CSNK2A2IP: variants seen among roughly 807,000 people sequenced by gnomAD.
CSNK2A2IP encodes the protein casein kinase 2 subunit alpha' interacting protein.
the CSNK2A2IP span, among the ~76,000 whole-genome samples, chr3:88,339,399 A>G: frequency 6.6e-6 from 1 of 152,202 alleles, no homozygotes; most frequent in Non-Finnish European, 1.5e-5. Context: ...GCTGAATAAC[A>G]TTCCATTGTG....
chr3:88,398,759 A>T, the CSNK2A2IP span, among the ~76,000 whole-genome samples: 3 of 152,178 alleles, frequency 2.0e-5, no homozygotes, highest in Non-Finnish European at 4.4e-5. Flanking sequence ...TTTATCTTCA[A>T]CAGGAGCCTT....
At chr3:88,365,717 T>C in the CSNK2A2IP span, among the ~76,000 whole-genome samples, 1 of 152,142 alleles carries the variant, frequency 6.6e-6, no homozygotes, top group African/African-American at 2.4e-5. Context: ...AGAGAGGAAC[T>C]CCAATACCTT....
At chr3:88,352,035 A>G in the CSNK2A2IP span, among the ~76,000 whole-genome samples, 1 of 152,192 alleles carries the variant, frequency 6.6e-6, no homozygotes, top group Admixed American at 6.6e-5. Context: ...AATCTTGTTT[A>G]CCACAGTAGC....
chr3:88,383,848 T>G, the CSNK2A2IP span, among the ~76,000 whole-genome samples: 2 of 151,996 alleles, frequency 1.3e-5, no homozygotes, highest in African/African-American at 4.8e-5. Context: ...GTATTTTTAG[T>G]AGAGACAGGG....
At chr3:88,445,275 C>CAAAAAAAAAAAAAAAAAAAAAAAAAA in the CSNK2A2IP span, among the ~76,000 whole-genome samples, 9 of 47,764 alleles carry the variant, frequency 1.9e-4, 3 homozygotes, top group Admixed American at 3.9e-4. Flanking sequence ...GTAAAAATAC[C>CAAAAAAAAAAAAAAAAAAAAAAAAAA]AAAAAAAAAA....
the CSNK2A2IP span, among the ~76,000 whole-genome samples, chr3:88,456,693 C>T: frequency 1.3e-5 from 2 of 148,900 alleles, no homozygotes; most frequent in Non-Finnish European, 3.0e-5. Context: ...CCAATTCTTA[C>T]AGAACCATTT....
chr3:88,362,314 T>C, the CSNK2A2IP span, among the ~76,000 whole-genome samples: 38 of 152,310 alleles, frequency 2.5e-4, no homozygotes, highest in African/African-American at 6.3e-4. Flanking sequence ...AGCTTTTTCA[T>C]CACTAGGGAG....
At chr3:88,367,177 C>G in the CSNK2A2IP span, among the ~76,000 whole-genome samples, 1 of 152,052 alleles carries the variant, frequency 6.6e-6, no homozygotes, top group African/African-American at 2.4e-5. Context: ...TGTGCTTGAA[C>G]CTGCTCCCTC....
the CSNK2A2IP span, chr3:88,465,700 C>T: frequency 8.1e-7 from 1 of 1,231,634 alleles, no homozygotes; most frequent in Non-Finnish European, 1.0e-6. Flanking sequence ...GTGGCCTGCT[C>T]AAAGAGCCCT....
chr3:88,349,498 G>A, the CSNK2A2IP span, among the ~76,000 whole-genome samples: 2 of 152,000 alleles, frequency 1.3e-5, no homozygotes, highest in Non-Finnish European at 1.5e-5. Flanking sequence ...ATATTCTATG[G>A]TGTATATATA....
the CSNK2A2IP span, among the ~76,000 whole-genome samples, chr3:88,366,832 T>C: frequency 3.5e-4 from 53 of 152,268 alleles, no homozygotes; most frequent in Middle Eastern, 0.01. Flanking sequence ...AGAGGTTTAA[T>C]GAACTCACAG....
chr3:88,456,752 A>G, the CSNK2A2IP span, among the ~76,000 whole-genome samples: 3 of 152,034 alleles, frequency 2.0e-5, no homozygotes, highest in East Asian at 5.8e-4. Flanking sequence ...CTTTTGTCAA[A>G]AAATCTGCTG....
At chr3:88,396,143 C>T in the CSNK2A2IP span, among the ~76,000 whole-genome samples, 3 of 140,830 alleles carry the variant, frequency 2.1e-5, no homozygotes, top group Non-Finnish European at 3.0e-5. Context: ...GTCTCGCTGT[C>T]GCCCAGGCTG....
chr3:88,456,542 T>C, the CSNK2A2IP span, among the ~76,000 whole-genome samples: 3 of 152,120 alleles, frequency 2.0e-5, no homozygotes, highest in Non-Finnish European at 4.4e-5. Flanking sequence ...TGTATGTTTA[T>C]TTTGTATCCT....
the CSNK2A2IP span, among the ~76,000 whole-genome samples, chr3:88,389,902 G>C: frequency 5.9e-5 from 9 of 151,866 alleles, no homozygotes; most frequent in African/African-American, 2.2e-4. Flanking sequence ...GTAATGGCTG[G>C]GTTCTGTTCA....
chr3:88,408,111 C>G, the CSNK2A2IP span, among the ~76,000 whole-genome samples: 1 of 152,094 alleles, frequency 6.6e-6, no homozygotes, highest in African/African-American at 2.4e-5. Flanking sequence ...AATTAATTCA[C>G]CAGTACTTAA....
the CSNK2A2IP span, among the ~76,000 whole-genome samples, chr3:88,429,221 A>G: frequency 4.0e-5 from 6 of 151,886 alleles, no homozygotes; most frequent in African/African-American, 9.7e-5. Context: ...TGGTCATTGC[A>G]TTTCCCTTCA....
chr3:88,451,370 T>C, the CSNK2A2IP span, among the ~76,000 whole-genome samples: 1 of 152,026 alleles, frequency 6.6e-6, no homozygotes, highest in Non-Finnish European at 1.5e-5. Flanking sequence ...ATTGGCCATT[T>C]TTATGTCTTC....
chr3:88,412,365 G>A, the CSNK2A2IP span, among the ~76,000 whole-genome samples: 3 of 151,864 alleles, frequency 2.0e-5, no homozygotes, highest in Non-Finnish European at 4.4e-5. Flanking sequence ...GATAGCATTG[G>A]GATCATTCTT....
Sources: allele counts gnomAD v4.1 joint callset (sites outside exome capture counted in the v4.1 genomes callset), GRCh38; gene constraint gnomAD v4.1.1; transcripts MANE v1.5; gene names NCBI Gene and HGNC (gene_info 2026-07-23, HGNC 2026-07-21).